The following NUBPL variants were observed in gnomAD, a reference collection of about 807,000 sequenced individuals.
NUBPL encodes the protein iron-sulfur cluster transfer protein NUBPL.
A neutral mutation model predicts 45.7 loss-of-function variants in NUBPL; 31 were observed. The observed-to-expected ratio is 0.68, with a 90% CI of 0.51 to 0.92. The LOEUF (loss-of-function observed/expected upper bound fraction) is 0.92, where lower values mean the gene tolerates loss of function less well. NUBPL is among the 40% of genes least tolerant of loss of function. The pLI is 0.00. For synonymous variants in NUBPL, 144 were observed against 140.9 expected (o/e 1.02, Z -0.15); for missense variants, 401 against 398.7 (o/e 1.01, Z -0.05).
chr14:31,638,502 C>G lies in NUBPL; in HGVS notation c.383-34853C>G, dbSNP rs541601635. On this transcript the variant is annotated intron_variant, in intron 4 of 10. Coordinates refer to ENST00000281081, the MANE Select transcript of NUBPL (RefSeq NM_025152.3). Reference sequence around the variant, plus strand: ...TCCCTTTGTGGGTAACCCGACCTTTCTCTCTGGCTTCCCTTAACATTTTTT... The same window carrying G: ...TCCCTTTGTGGGTAACCCGACCTTTGTCTCTGGCTTCCCTTAACATTTTTT... 2.1e-3 allele frequency among the ~76,000 whole-genome samples: 314 copies of G among 151,978 alleles called. 1 individual carries two copies. The highest frequency in any genetic ancestry group is 7.0e-3 in the African/African-American group (289 of 41,438).
At chr14:31,710,299 G>A (rs34793909) in intron 6 of NUBPL, among the ~76,000 whole-genome samples, 42,500 of 151,932 alleles carry the variant, frequency 0.28, 7,225 homozygotes, top group South Asian at 0.41. Context: ...AACCTGCAAT[G>A]GTCCCTGGAC....
chr14:31,662,271 ATATT>A (rs2036288054), intron 4 of NUBPL: 1 of 151,082 alleles, frequency 6.6e-6, no homozygotes, highest in African/African-American at 2.4e-5. Context: ...TTAATTTTTA[ATATT>A]TATATTTATT....
chr14:31,716,879 C>T (rs1475505861), intron 6 of NUBPL, among the ~76,000 whole-genome samples: 1 of 152,154 alleles, frequency 6.6e-6, no homozygotes, highest in East Asian at 1.9e-4. Flanking sequence ...ACTCATCCTT[C>T]TTTCTTTCCC....
intron 6 of NUBPL, among the ~76,000 whole-genome samples, chr14:31,703,738 A>G (rs918341376): frequency 1.3e-5 from 2 of 152,214 alleles, no homozygotes; most frequent in Non-Finnish European, 2.9e-5. Context: ...GGGAGCTACA[A>G]GATGAGATTT....
chr14:31,592,813 C>T (rs1050081752), intron 3 of NUBPL, among the ~76,000 whole-genome samples: 11 of 152,028 alleles, frequency 7.2e-5, no homozygotes, highest in South Asian at 2.1e-4. Context: ...GATGGCAGCC[C>T]GGACCGAATG....
intron 7 of NUBPL, among the ~76,000 whole-genome samples, chr14:31,823,334 A>T (rs1299109381): frequency 6.6e-6 from 1 of 152,154 alleles, no homozygotes; most frequent in Non-Finnish European, 1.5e-5. Flanking sequence ...AATGTCCTTG[A>T]AGCTATATTG....
intron 3 of NUBPL, among the ~76,000 whole-genome samples, chr14:31,579,666 T>C (rs2033811530): frequency 6.6e-6 from 1 of 152,238 alleles, no homozygotes. Context: ...TTAATTATTC[T>C]TATTTTGCAG....
chr14:31,759,416 A>T (rs2038748390), intron 6 of NUBPL, among the ~76,000 whole-genome samples: 2 of 151,898 alleles, frequency 1.3e-5, no homozygotes, highest in Admixed American at 1.3e-4. Flanking sequence ...TTTTATATTT[A>T]TTAATTTTGA....
chr14:31,781,159 G>A (rs1358895792), intron 6 of NUBPL, among the ~76,000 whole-genome samples: 1 of 152,140 alleles, frequency 6.6e-6, no homozygotes, highest in African/African-American at 2.4e-5. Context: ...AGAATCATAG[G>A]TCACTGCCAA....
chr14:31,853,258 G>A (rs534672454), intron 10 of NUBPL, among the ~76,000 whole-genome samples: 2 of 152,254 alleles, frequency 1.3e-5, no homozygotes, highest in East Asian at 3.9e-4. Flanking sequence ...GTTTCACCAT[G>A]TTGCCCAGGC....
At chr14:31,833,018 T>A (rs185690087) in intron 8 of NUBPL, among the ~76,000 whole-genome samples, 259 of 152,320 alleles carry the variant, frequency 1.7e-3, no homozygotes, top group African/African-American at 5.9e-3. Context: ...AACAGATAAA[T>A]TTACAGATTT....
intron 10 of NUBPL, among the ~76,000 whole-genome samples, chr14:31,856,105 A>G (rs2040613430): frequency 6.6e-6 from 1 of 152,224 alleles, no homozygotes; most frequent in Admixed American, 6.5e-5. Flanking sequence ...TACAAAAGAA[A>G]GAGGTTTATT....
chr14:31,839,180 G>A (rs1268604873), intron 8 of NUBPL, among the ~76,000 whole-genome samples: 1 of 152,020 alleles, frequency 6.6e-6, no homozygotes, highest in African/African-American at 2.4e-5. Context: ...TTTTTTAAAA[G>A]CAAACTTTTC....
At chr14:31,824,111 C>T (rs924312611) in intron 7 of NUBPL, among the ~76,000 whole-genome samples, 3 of 152,042 alleles carry the variant, frequency 2.0e-5, no homozygotes, top group African/African-American at 7.2e-5. Context: ...TTAACAGTGA[C>T]AGCTATCATT....
At chr14:31,714,007 G>A (rs548641505) in intron 6 of NUBPL, among the ~76,000 whole-genome samples, 2 of 152,260 alleles carry the variant, frequency 1.3e-5, no homozygotes, top group South Asian at 2.1e-4. Flanking sequence ...GATTGGCTAT[G>A]TAGAAACTAT....
intron 6 of NUBPL, among the ~76,000 whole-genome samples, chr14:31,779,884 C>T (rs1177295575): frequency 6.6e-6 from 1 of 152,168 alleles, no homozygotes; most frequent in Non-Finnish European, 1.5e-5. Flanking sequence ...TTGGAGTTTA[C>T]TTACAGTCTT....
intron 3 of NUBPL, among the ~76,000 whole-genome samples, chr14:31,572,411 T>G (rs1489914629): frequency 6.6e-6 from 1 of 152,144 alleles, no homozygotes; most frequent in Non-Finnish European, 1.5e-5. Flanking sequence ...AGTTCTGGGA[T>G]TACCGGCGTG....
intron 4 of NUBPL, among the ~76,000 whole-genome samples, chr14:31,644,759 A>G (rs1397830463): frequency 6.6e-6 from 1 of 152,134 alleles, no homozygotes; most frequent in African/African-American, 2.4e-5. Flanking sequence ...GAAATCCCCT[A>G]CTATTACCAT....
chr14:31,646,249 T>C (rs1566473481), intron 4 of NUBPL, among the ~76,000 whole-genome samples: 1 of 152,030 alleles, frequency 6.6e-6, no homozygotes, highest in Non-Finnish European at 1.5e-5. Context: ...TGCAGTGGCA[T>C]GATCTTGGCT....
Sources: allele counts gnomAD v4.1 joint callset (sites outside exome capture counted in the v4.1 genomes callset), GRCh38; gene constraint gnomAD v4.1.1; transcripts MANE v1.5; gene names NCBI Gene and HGNC (gene_info 2026-07-23, HGNC 2026-07-21).